The following FREM1 variants were observed in gnomAD, a reference collection of about 807,000 sequenced individuals.
FREM1 encodes the protein FRAS1-related extracellular matrix protein 1.
A neutral mutation model predicts 210.1 loss-of-function variants in FREM1; 220 were observed. That is an observed-to-expected ratio of 1.05 (90% confidence interval 0.94 to 1.17). The LOEUF is 1.17. Among genes scored for constraint, FREM1 ranks in the 50% most tolerant of loss-of-function variants. The pLI is 0.00. For synonymous variants in FREM1, 1,189 were observed against 980.2 expected, an observed-to-expected ratio of 1.21 and a Z score of -3.98; for missense variants, 3,454 against 2,675.5, an observed-to-expected ratio of 1.29 and a Z score of -6.42.
At chr9:14,808,243 T>G in intron 16 of FREM1, 109 bp from the exon 17 acceptor site, 1 of 642,824 alleles carries the variant, frequency 1.6e-6, no homozygotes, top group Non-Finnish European at 2.5e-6. Flanking sequence ...GGAAAAGAAG[T>G]TATGTGGATA....
chr9:14,860,684 C>CACATGTAT, intron 3 of FREM1, among the ~76,000 whole-genome samples: 3 of 99,186 alleles, frequency 3.0e-5, no homozygotes, highest in Admixed American at 1.1e-4. Context: ...CACATATATA[C>CACATGTAT]ACATATATAC....
At position 14,770,781 on chromosome 9, in the gene FREM1, G is replaced by A; in HGVS notation, c.4883C>T (p.Pro1628Leu). ...AGGGGAATGCAAGAGTGTGATACGA[G>A]GAGCTGTTTTGTCCAATTGGTCTAC... ...IQVDQLDKTA[P>L]RITLLHSPSQ... Residue 1628 changes from proline to leucine, a missense_variant, in exon 26 of 37, where the codon CCT (proline) becomes CTT (leucine). By Grantham distance (98) the Pro-to-Leu change is moderately conservative. Coordinates refer to ENST00000380880, the MANE Select transcript of FREM1 (RefSeq NM_001379081.2). 6.2e-7 allele frequency: 1 copy of A among 1,612,800 alleles called. No individual in the cohort carries two copies. Among genetic ancestry groups the A allele is most frequent in the Non-Finnish European group, 8.5e-7 (1 of 1,179,370 alleles).
intron 2 of FREM1, among the ~76,000 whole-genome samples, chr9:14,867,468 C>T (rs1044800572): frequency 5.3e-5 from 8 of 152,118 alleles, no homozygotes; most frequent in Admixed American, 3.3e-4. Context: ...ACGATAAAAT[C>T]TTACAAGCAA....
chr9:14,827,435 G>A (rs1462019403), intron 10 of FREM1, among the ~76,000 whole-genome samples: 1 of 152,218 alleles, frequency 6.6e-6, no homozygotes, highest in Non-Finnish European at 1.5e-5. Flanking sequence ...TAAGCAAACA[G>A]TTGAGCACGT....
intron 19 of FREM1, among the ~76,000 whole-genome samples, chr9:14,803,261 CTT>C (rs1491550824): frequency 2.9e-5 from 4 of 139,406 alleles, no homozygotes; most frequent in African/African-American, 7.8e-5. Context: ...CTCTTCCTCT[CTT>C]TCTTTCCCTC....
chr9:14,885,606 G>T (rs1248443808), intron 1 of FREM1, among the ~76,000 whole-genome samples: 2 of 152,028 alleles, frequency 1.3e-5, no homozygotes, highest in South Asian at 2.1e-4. Context: ...ATTTTCATAG[G>T]GATGGGAGTC....
At chr9:14,820,065 G>C (rs371186621) in intron 13 of FREM1, among the ~76,000 whole-genome samples, 1 of 152,154 alleles carries the variant, frequency 6.6e-6, no homozygotes, top group Non-Finnish European at 1.5e-5. Context: ...CTCACTGCTC[G>C]ACTAATAATT....
chr9:14,853,972 C>T (rs1319766458), intron 5 of FREM1, among the ~76,000 whole-genome samples: 1 of 152,152 alleles, frequency 6.6e-6, no homozygotes, highest in Non-Finnish European at 1.5e-5. Context: ...AAAGAGCTTA[C>T]TGCTTGTAAT....
chr9:14,871,769 ACGG>A (rs1832727053), intron 1 of FREM1, among the ~76,000 whole-genome samples: 3 of 142,310 alleles, frequency 2.1e-5, no homozygotes, highest in African/African-American at 9.3e-5. Context: ...GTTTTCTTCT[ACGG>A]TTTTTACGGT....
chr9:14,815,587 T>C (rs902191990), intron 15 of FREM1, among the ~76,000 whole-genome samples: 1 of 152,242 alleles, frequency 6.6e-6, no homozygotes, highest in Non-Finnish European at 1.5e-5. Context: ...GTTATGCTCT[T>C]GGACTTGCAT....
rs1847791139 is a variant in FREM1, at chr9:14,772,655, TCTC to T, written c.4858-1852_4858-1850del. On this transcript the variant is annotated intron_variant, in intron 25 of 36. Transcript: ENST00000380880. Reference sequence around the variant, plus strand: ...CATTTTCAAAAGTCACAGTCATTCTTCTCCTCTCCTGAAGAGTATGGGTGGCAA... The same window carrying T: ...CATTTTCAAAAGTCACAGTCATTCTTCTCTCCTGAAGAGTATGGGTGGCAA... 7.9e-5 allele frequency among the ~76,000 whole-genome samples: 12 copies of T among 152,270 alleles called. No individual in the cohort carries two copies. In the South Asian group the frequency reaches 2.5e-3, roughly 32 times the overall value.
chr9:14,751,264 T>A (rs951961795), intron 29 of FREM1, among the ~76,000 whole-genome samples: 1 of 152,252 alleles, frequency 6.6e-6, no homozygotes, highest in Non-Finnish European at 1.5e-5. Context: ...AAGCTTACTC[T>A]GCCATTTGCT....
At chr9:14,866,482 C>T (rs1403695211) in intron 2 of FREM1, among the ~76,000 whole-genome samples, 1 of 152,076 alleles carries the variant, frequency 6.6e-6, no homozygotes, top group Non-Finnish European at 1.5e-5. Flanking sequence ...CAGAGGCTGG[C>T]TTAGGTAACA....
chr9:14,825,535 A>ATGTGTGTGTGTG (rs1237770928), intron 10 of FREM1, among the ~76,000 whole-genome samples: 3 of 108,696 alleles, frequency 2.8e-5, no homozygotes, highest in African/African-American at 3.5e-5. Flanking sequence ...ATATATATAT[A>ATGTGTGTGTGTG]TGTGTGTGTG....
At chr9:14,892,832 CTT>C (rs966972571) in intron 1 of FREM1, among the ~76,000 whole-genome samples, 10 of 152,196 alleles carry the variant, frequency 6.6e-5, no homozygotes, top group African/African-American at 2.4e-4. Flanking sequence ...CCAGGCAATG[CTT>C]TTCTCTCTCT....
At chr9:14,889,060 G>A (rs1836317749) in intron 1 of FREM1, among the ~76,000 whole-genome samples, 1 of 152,080 alleles carries the variant, frequency 6.6e-6, no homozygotes, top group African/African-American at 2.4e-5. Context: ...GCCACTAGAT[G>A]GGTGTACTAT....
intron 28 of FREM1, among the ~76,000 whole-genome samples, chr9:14,757,737 T>C (rs1383101670): frequency 6.6e-6 from 1 of 152,122 alleles, no homozygotes; most frequent in African/African-American, 2.4e-5. Context: ...AGCTGAAAAA[T>C]TCCTACTTCT....
intron 31 of FREM1, 91 bp downstream of exon 31, chr9:14,748,310 C>T: frequency 1.3e-6 from 1 of 757,012 alleles, no homozygotes; most frequent in Non-Finnish European, 2.2e-6. Flanking sequence ...ATCAAAACAG[C>T]TTCTTCAGTG....
intron 10 of FREM1, among the ~76,000 whole-genome samples, chr9:14,828,641 G>GA (rs1554687425): frequency 2.4e-5 from 3 of 124,792 alleles, no homozygotes; most frequent in Non-Finnish European, 5.2e-5. Context: ...ATTGTGGCGG[G>GA]GCGGGGGAGG....
Sources: allele counts gnomAD v4.1 joint callset (sites outside exome capture counted in the v4.1 genomes callset), GRCh38; gene constraint gnomAD v4.1.1; transcripts MANE v1.5; gene names NCBI Gene and HGNC (gene_info 2026-07-23, HGNC 2026-07-21).